The following TTC7A variants were observed in gnomAD, a reference collection of about 807,000 sequenced individuals.
The protein encoded by TTC7A is tetratricopeptide repeat protein 7A.
TTC7A carries 110 observed loss-of-function variants against 103.7 expected under a neutral mutation model. The observed-to-expected ratio is 1.06, with a 90% CI of 0.91 to 1.24. The LOEUF is 1.24. Ranked by LOEUF, TTC7A falls within the 50% of genes most tolerant of loss-of-function variation. The pLI, the probability that TTC7A is intolerant of heterozygous loss-of-function variation, is 0.00. For synonymous variants in TTC7A, 521 were observed against 467.9 expected (o/e 1.11, Z -1.47); for missense variants, 1,340 against 1,116.3 (o/e 1.20, Z -2.86).
intron 2 of TTC7A, among the ~76,000 whole-genome samples, chr2:46,928,677 G>A (rs1669532228): frequency 6.6e-6 from 1 of 152,028 alleles, no homozygotes; most frequent in Admixed American, 6.6e-5. Context: ...GACTGAGGTT[G>A]GAGGATGGCT....
intron 8 of TTC7A, among the ~76,000 whole-genome samples, chr2:47,003,433 G>A (rs1019496948): frequency 6.6e-6 from 1 of 152,082 alleles, no homozygotes; most frequent in Non-Finnish European, 1.5e-5. Flanking sequence ...CAGCATGACC[G>A]AAGATGGGCC....
At chr2:47,019,109 T>C (rs1679002390) in intron 11 of TTC7A, among the ~76,000 whole-genome samples, 1 of 152,244 alleles carries the variant, frequency 6.6e-6, no homozygotes. Flanking sequence ...ACAGTACCCA[T>C]GTATATTAAT....
intron 1 of TTC7A, among the ~76,000 whole-genome samples, chr2:46,949,841 A>C (rs1166205355): frequency 2.0e-5 from 3 of 152,168 alleles, no homozygotes; most frequent in Non-Finnish European, 4.4e-5. Flanking sequence ...ATGCCAGTGC[A>C]CTCCAGCTAG....
At chr2:47,006,523 C>G in intron 9 of TTC7A, 118 bp from the exon 10 acceptor site, 5 of 858,804 alleles carry the variant, frequency 5.8e-6, no homozygotes, top group Non-Finnish European at 9.6e-6. Flanking sequence ...GAGCCAAGTG[C>G]GGGCCTCCTG....
At chr2:47,059,463 C>A (rs1166832085) in intron 18 of TTC7A, among the ~76,000 whole-genome samples, 2 of 152,148 alleles carry the variant, frequency 1.3e-5, no homozygotes, top group Non-Finnish European at 2.9e-5. Context: ...GTAGCTGTTA[C>A]CAACACTGCC....
intron 3 of TTC7A, among the ~76,000 whole-genome samples, chr2:46,960,349 T>A (rs1672262173): frequency 6.6e-6 from 1 of 152,232 alleles, no homozygotes; most frequent in Non-Finnish European, 1.5e-5. Flanking sequence ...CCCTGTTTGA[T>A]TCTTCATTTC....
chr2:46,995,991 A>G (rs974978928), intron 8 of TTC7A, among the ~76,000 whole-genome samples: 5 of 152,272 alleles, frequency 3.3e-5, no homozygotes, highest in African/African-American at 7.2e-5. Flanking sequence ...AGACTTTTCT[A>G]CAGGACCCAT....
At chr2:46,916,182 G>C in exon 1 of TTC7A, 1 of 984,188 alleles carries the variant, frequency 1.0e-6, no homozygotes, top group Non-Finnish European at 1.2e-6. Context: ...CTTGGTTCAG[G>C]TCTCTTGGTT....
At chr2:46,960,010 C>T (rs886204302) in intron 3 of TTC7A, among the ~76,000 whole-genome samples, 1 of 152,196 alleles carries the variant, frequency 6.6e-6, no homozygotes, top group African/African-American at 2.4e-5. Context: ...ATGGAAAGAC[C>T]TATTGTTTCC....
intron 18 of TTC7A, among the ~76,000 whole-genome samples, 169 bp from the exon 19 acceptor site, chr2:47,060,600 A>G (rs1034932413): frequency 3.3e-5 from 5 of 152,194 alleles, no homozygotes; most frequent in African/African-American, 1.2e-4. Flanking sequence ...AGAAACCGTT[A>G]CCTAGTGTTC....
At chr2:46,994,171 G>C in intron 6 of TTC7A, 186 bp from the exon 7 acceptor site, 1 of 634,238 alleles carries the variant, frequency 1.6e-6, no homozygotes, top group Non-Finnish European at 2.7e-6. Context: ...AGAGGGGTGG[G>C]AGCGCCAGTG....
At position 46,945,515 on chromosome 2, in the gene TTC7A, T is replaced by C. The variant is rs554935241; in HGVS notation, c.184+3790T>C. On this transcript the variant is annotated intron_variant, in intron 1 of 19. Coordinates refer to ENST00000319190, the MANE Select transcript of TTC7A (RefSeq NM_020458.4). ...CAGCCGCCTCGGCCTCCCGAAGTGCTGGGATTACGGGCGTGAGCCACCGTG... is the reference window on the plus strand; with the variant it reads ...CAGCCGCCTCGGCCTCCCGAAGTGCCGGGATTACGGGCGTGAGCCACCGTG... 1.4e-4 allele frequency among the ~76,000 whole-genome samples: 22 copies of C among 152,390 alleles called. 2 individuals are homozygous for C. The highest frequency in any genetic ancestry group is 5.3e-4 in the African/African-American group (22 of 41,600).
chr2:46,981,184 T>G (rs1674419357), intron 5 of TTC7A, among the ~76,000 whole-genome samples: 1 of 152,180 alleles, frequency 6.6e-6, no homozygotes, highest in Non-Finnish European at 1.5e-5. Flanking sequence ...ACTTTAAACA[T>G]TTTGATACAT....
At chr2:46,995,314 C>CTCCTAATGCCCCA in intron 8 of TTC7A, 115 bp downstream of exon 8, 4 of 1,001,092 alleles carry the variant, frequency 4.0e-6, no homozygotes, top group Non-Finnish European at 6.1e-6. Flanking sequence ...CCCAGGGATA[C>CTCCTAATGCCCCA]TCCTAAAGTA....
At chr2:46,992,960 C>T (rs1431621905) in intron 5 of TTC7A, among the ~76,000 whole-genome samples, 1 of 152,224 alleles carries the variant, frequency 6.6e-6, no homozygotes, top group African/African-American at 2.4e-5. Context: ...CAGAGGCTGA[C>T]TGAAAGTGGC....
At chr2:47,045,446 C>G (rs1168266599) in intron 15 of TTC7A, 2 of 152,316 alleles carry the variant, frequency 1.3e-5, no homozygotes, top group African/African-American at 4.8e-5. Flanking sequence ...CGCTGAGGTC[C>G]TGCCTCCAGG....
Position 47,038,640 on chromosome 2 carries a change from CTCCCCCCACCCA to C in TTC7A, c.1803-7674_1803-7663del, listed in dbSNP as rs796104323. 7.5e-3 allele frequency among the ~76,000 whole-genome samples: 167 copies of C among 22,368 alleles called. 2 individuals carry two copies. Among genetic ancestry groups the C allele is most frequent in the African/African-American group, 0.031 (158 of 5,130 alleles). 14.7% of individuals were successfully genotyped at this position (22,368 alleles called of 152,430 possible). A position where few individuals can be genotyped will look rare whatever the true frequency, so the allele number is the denominator to read the frequency against. On this transcript the variant is annotated intron_variant, in intron 15 of 19. Coordinates refer to ENST00000319190, the MANE Select transcript of TTC7A (RefSeq NM_020458.4). The stretch of plus-strand genomic sequence containing the variant: ...CACCTGCTGCCACTTCCCACCCACC[CTCCCCCCACCCA>C]CCCCCCCGACACACAGAGGGTTCCC...
chr2:47,055,892 C>T lies in TTC7A; in HGVS notation c.2152+4012C>T, dbSNP rs550150581. On this transcript the variant is annotated intron_variant, in intron 18 of 19. Coordinates refer to ENST00000319190, the MANE Select transcript of TTC7A (RefSeq NM_020458.4). ...AAGCCATAGTCCAGGGAGAAGCTGG[C>T]GCTCACCCTTGGTCCTACATGCTCC... Among the ~76,000 whole-genome samples, 102 of 152,242 alleles carry T rather than the reference C, an allele frequency of 6.7e-4. 2 individuals are homozygous for T. The highest frequency in any genetic ancestry group is 3.2e-3 in the Admixed American group (49 of 15,306).
At chr2:47,064,561 C>T (rs910649207) in intron 19 of TTC7A, among the ~76,000 whole-genome samples, 3 of 152,216 alleles carry the variant, frequency 2.0e-5, no homozygotes, top group Non-Finnish European at 2.9e-5. Flanking sequence ...AGGAAGGGAC[C>T]CCCGGCAGCC....
Sources: gnomAD v4.1 joint callset for allele counts (sites outside exome capture counted in the v4.1 genomes callset) on GRCh38, gnomAD v4.1.1 for gene constraint, MANE v1.5 for transcripts, NCBI Gene and HGNC (gene_info 2026-07-23, HGNC 2026-07-21) for gene names.